Variants in CFAP58 observed in about 807,000 individuals in gnomAD.
CFAP58 encodes the protein cilia- and flagella-associated protein 58.
A neutral mutation model predicts 119.5 loss-of-function variants in CFAP58; 88 were observed. The ratio of observed to expected loss-of-function variants is 0.74; its 90% CI spans 0.62 to 0.88. CFAP58 has a LOEUF of 0.88. Among genes scored for constraint, CFAP58 ranks in the 40% least tolerant of loss-of-function variants. The probability of loss-of-function intolerance (pLI) is 0.00; values close to 1 mark genes in which losing one functional copy is unlikely to be tolerated. For synonymous variants in CFAP58, 365 were observed against 366.3 expected (o/e 1.00, Z 0.04); for missense variants, 990 against 1,021.2 (o/e 0.97, Z 0.42).
the CFAP58 span, among the ~76,000 whole-genome samples, chr10:104,347,029 T>A: frequency 6.6e-6 from 1 of 152,094 alleles, no homozygotes. Context: ...CTTGGTGTCT[T>A]GGGCAAGAAG....
chr10:104,414,939 G>A (rs780525895), intron 15 of CFAP58, among the ~76,000 whole-genome samples: 28 of 152,140 alleles, frequency 1.8e-4, no homozygotes, highest in Non-Finnish European at 3.5e-4. Flanking sequence ...AAAGACCAAG[G>A]GTTGTCTCTG....
chr10:104,342,844 CAAAAAAAAAA>C, the CFAP58 span, among the ~76,000 whole-genome samples: 3 of 48,502 alleles, frequency 6.2e-5, no homozygotes, highest in African/African-American at 2.4e-4. Context: ...GACCCTGTAT[CAAAAAAAAAA>C]AAAAAAAAAA....
rs186367912 is a variant in CFAP58, at chr10:104,399,582, T to G, written c.1815+82T>G. 239 of 1,423,012 alleles carry G rather than the reference T, an allele frequency of 1.7e-4. 2 individuals carry two copies. The African/African-American group carries it at 3.1e-3, about 18-fold the overall frequency. The allele number at this position is 1,423,012 out of a possible 1,614,324, so 88.1% of individuals were successfully genotyped here. Reference sequence around the variant, plus strand: ...TCCACCCTTCGAAACTTCCTTCCTCTCTAAGCTCTTCCAACCAGCCCTATT... The same window carrying G: ...TCCACCCTTCGAAACTTCCTTCCTCGCTAAGCTCTTCCAACCAGCCCTATT... On this transcript the variant is annotated intron_variant, in intron 12 of 17. Coordinates refer to ENST00000369704, the MANE Select transcript of CFAP58 (RefSeq NM_001008723.2).
chr10:104,405,977 G>T (rs2012351433), intron 14 of CFAP58, among the ~76,000 whole-genome samples: 1 of 152,120 alleles, frequency 6.6e-6, no homozygotes, highest in Admixed American at 6.6e-5. Context: ...TGTGCCTGTG[G>T]TCCCAGCTGC....
intron 17 of CFAP58, 53 bp from the exon 18 acceptor site, chr10:104,454,369 A>C: frequency 7.1e-7 from 1 of 1,406,754 alleles, no homozygotes; most frequent in Non-Finnish European, 1.0e-6. Context: ...TCAAATGTCA[A>C]ACTTAGACAA....
intron 14 of CFAP58, 108 bp downstream of exon 14, chr10:104,403,948 C>T: frequency 1.7e-6 from 1 of 588,734 alleles, no homozygotes; most frequent in East Asian, 2.8e-5. Flanking sequence ...TAATGCTATG[C>T]AAATTGTCAC....
intron 7 of CFAP58, among the ~76,000 whole-genome samples, chr10:104,376,255 G>C (rs1413401430): frequency 1.3e-5 from 2 of 151,846 alleles, no homozygotes; most frequent in Non-Finnish European, 2.9e-5. Flanking sequence ...TGGTTTGTAG[G>C]GCATGACTCC....
At chr10:104,347,146 T>A in the CFAP58 span, among the ~76,000 whole-genome samples, 1 of 152,022 alleles carries the variant, frequency 6.6e-6, no homozygotes, top group Non-Finnish European at 1.5e-5. Context: ...GTAAGACGAC[T>A]GGGTAGTTAT....
At chr10:104,396,391 AGAGAGAGAGAGAGAGAGAGAGAGAG>A (rs2012156518) in intron 11 of CFAP58, among the ~76,000 whole-genome samples, 1 of 34,256 alleles carries the variant, frequency 2.9e-5, no homozygotes, top group Admixed American at 2.3e-4. Context: ...AGAGAGAGAG[AGAGAGAGAGAGAGAGAGAGAGAGAG>A]AGAGAGAGAG....
At chr10:104,419,954 G>A (rs1426320556) in intron 15 of CFAP58, among the ~76,000 whole-genome samples, 3 of 152,068 alleles carry the variant, frequency 2.0e-5, no homozygotes, top group African/African-American at 7.2e-5. Flanking sequence ...TCTAGGAACT[G>A]GTACTTTCTG....
At chr10:104,451,350 A>T (rs1481897359) in intron 17 of CFAP58, among the ~76,000 whole-genome samples, 3 of 152,292 alleles carry the variant, frequency 2.0e-5, no homozygotes, top group Admixed American at 1.3e-4. Flanking sequence ...CCACATTTAG[A>T]TGCCAGTTCC....
At chr10:104,399,884 G>A (rs757456481) in intron 12 of CFAP58, among the ~76,000 whole-genome samples, 6 of 151,922 alleles carry the variant, frequency 3.9e-5, no homozygotes, top group Admixed American at 1.3e-4. Flanking sequence ...TCACGATGTC[G>A]GCACATTACC....
Position 104,365,988 on chromosome 10 carries a change from C to T in CFAP58, c.772C>T (p.Gln258Ter). The change falls in exon 5 of 18, where the codon CAG becomes TAG. Residue 258 changes from glutamine (Q) to a stop codon, truncating the protein, a stop_gained. Coordinates refer to ENST00000369704, the MANE Select transcript of CFAP58 (RefSeq NM_001008723.2). LOFTEE classifies it high-confidence loss of function. ...CAAGGAGGAGCTTCAGAAGCTGGAGCAGCAGCTGAAGGAGCAGAAGGTGAG... is the reference window on the plus strand; with the variant it reads ...CAAGGAGGAGCTTCAGAAGCTGGAGTAGCAGCTGAAGGAGCAGAAGGTGAG... ...KSKEELQKLE[Q>*]QLKEQKILNE... 1 of 1,602,926 alleles carries T rather than the reference C, an allele frequency of 6.2e-7. No individual in the cohort carries two copies. The highest frequency in any genetic ancestry group is 8.5e-7 in the Non-Finnish European group (1 of 1,175,434).
At position 104,358,028 on chromosome 10, in the gene CFAP58, TAC is replaced by T. The variant is rs1358916300; in HGVS notation, c.10-311_10-310del. ...ATATACACATATATGTACATATATA[TAC>T]ATATGTACATATACACACATATATG... On this transcript the variant is annotated intron_variant, in intron 1 of 17. Coordinates refer to ENST00000369704, the MANE Select transcript of CFAP58 (RefSeq NM_001008723.2). Among the ~76,000 whole-genome samples the T allele has an allele frequency of 8.2e-5, 11 of 133,674 alleles. No individual in the cohort carries two copies. In the East Asian group the frequency reaches 8.4e-4, roughly 10 times the overall value. 87.7% of individuals were successfully genotyped at this position (133,674 alleles called of 152,430 possible).
At chr10:104,361,942 T>A in intron 2 of CFAP58, 81 bp from the exon 3 acceptor site, 1 of 1,325,744 alleles carries the variant, frequency 7.5e-7, no homozygotes, top group Non-Finnish European at 1.1e-6. Flanking sequence ...ACTGTGGTCA[T>A]GGTATTATTC....
chr10:104,417,707 T>C (rs1200933462), intron 15 of CFAP58, among the ~76,000 whole-genome samples: 1 of 152,174 alleles, frequency 6.6e-6, no homozygotes, highest in Non-Finnish European at 1.5e-5. Context: ...GCTGAGTACA[T>C]TCAATACTCA....
chr10:104,364,104 C>T (rs2014707427), intron 3 of CFAP58, among the ~76,000 whole-genome samples: 1 of 152,150 alleles, frequency 6.6e-6, no homozygotes, highest in African/African-American at 2.4e-5. Context: ...TTTATCTGGG[C>T]TGCATTCATT....
chr10:104,357,726 C>CAT (rs373076175), intron 1 of CFAP58, among the ~76,000 whole-genome samples: 1,614 of 150,424 alleles, frequency 0.011, 36 homozygotes, highest in African/African-American at 0.037. Flanking sequence ...TATCCCAATG[C>CAT]ATATATATAT....
chr10:104,374,057 A>G (rs2014857071), intron 7 of CFAP58, among the ~76,000 whole-genome samples: 1 of 152,246 alleles, frequency 6.6e-6, no homozygotes, highest in Admixed American at 6.5e-5. Context: ...GAGAGATTAA[A>G]TTAAATAAAA....
Sources: allele counts gnomAD v4.1 joint callset (sites outside exome capture counted in the v4.1 genomes callset), GRCh38; gene constraint gnomAD v4.1.1; transcripts MANE v1.5; gene names NCBI Gene and HGNC (gene_info 2026-07-23, HGNC 2026-07-21).